DHTKD1: variants seen among roughly 807,000 people sequenced by gnomAD.
DHTKD1 encodes the protein dehydrogenase E1 and transketolase domain containing 1, also known as 2-oxoadipate dehydrogenase complex component E1.
A neutral mutation model predicts 101.8 loss-of-function variants in DHTKD1; 78 were observed. That is an observed-to-expected ratio of 0.77 (90% CI 0.64 to 0.93). DHTKD1 has a LOEUF of 0.93. Among genes scored for constraint, DHTKD1 ranks in the 40% least tolerant of loss-of-function variants. DHTKD1 has a pLI of 0.00. For missense variants in DHTKD1, 1,223 were observed against 1,161.7 expected (o/e 1.05, Z -0.77); for synonymous variants, 462 against 450.3 (o/e 1.03, Z -0.33).
At chr10:12,120,709 T>C in intron 16 of DHTKD1, 78 bp from the exon 17 acceptor site, 3 of 1,174,708 alleles carry the variant, frequency 2.6e-6, no homozygotes, top group Non-Finnish European at 1.3e-6. Context: ...GAGAAATACA[T>C]GCACTGTCTT....
Position 12,068,973 on chromosome 10 carries a change from A to G in DHTKD1, c.-61A>G, listed in dbSNP as rs1000982780. 11 of 1,596,664 alleles carry G rather than the reference A, an allele frequency of 6.9e-6. No homozygotes were observed. Among genetic ancestry groups the G allele is most frequent in the Admixed American group, 1.7e-5 (1 of 58,972 alleles). On this transcript the variant is annotated 5_prime_UTR_variant, in exon 1 of 17. Coordinates refer to ENST00000263035, the MANE Select transcript of DHTKD1 (RefSeq NM_018706.7). ...GCCTCTGACGAGTCCCGGATTTACC[A>G]GGGCCGGTGGGATCCCCTCGGGCTC...
intron 1 of DHTKD1, among the ~76,000 whole-genome samples, chr10:12,078,310 A>G (rs747014173): frequency 1.3e-5 from 2 of 152,006 alleles, no homozygotes; most frequent in Non-Finnish European, 2.9e-5. Context: ...CTGTAATCCC[A>G]GCTACTCCGG....
chr10:12,115,206 C>T (rs1239059842), intron 13 of DHTKD1, among the ~76,000 whole-genome samples: 1 of 152,216 alleles, frequency 6.6e-6, no homozygotes, highest in Non-Finnish European at 1.5e-5. Context: ...AAGCAATTCT[C>T]CAGCCTCAGC....
At chr10:12,082,261 T>C (rs1344636235) in intron 2 of DHTKD1, among the ~76,000 whole-genome samples, 3 of 152,228 alleles carry the variant, frequency 2.0e-5, no homozygotes, top group African/African-American at 7.2e-5. Flanking sequence ...AGAGGACTTA[T>C]ATGACTCATA....
At position 12,093,900 on chromosome 10, in the gene DHTKD1, A is replaced by G. The variant is rs112134857; in HGVS notation, c.1160-173A>G. Among the ~76,000 whole-genome samples, 78 of 152,326 alleles carry G rather than the reference A, an allele frequency of 5.1e-4. 1 individual carries two copies. Among genetic ancestry groups the G allele is most frequent in the African/African-American group, 1.7e-3 (71 of 41,574 alleles). Reference sequence around the variant, plus strand: ...TTTGTAGCTTTACCGAGGTCACACAATAAGTCCCAGAGTTGGAACTTGCCA... The same window carrying G: ...TTTGTAGCTTTACCGAGGTCACACAGTAAGTCCCAGAGTTGGAACTTGCCA... On this transcript the variant is annotated intron_variant, in intron 6 of 16. Coordinates refer to ENST00000263035, the MANE Select transcript of DHTKD1 (RefSeq NM_018706.7).
In DHTKD1 at chr10:12,112,835, A is replaced by G. The variant is rs1833355127; in HGVS notation, c.2155-65A>G. On this transcript the variant is annotated intron_variant, in intron 12 of 16. Transcript: ENST00000263035. ...ACCTGTGTTTCCCTTTGGCCAGCCCATTGTCACTACGACTGAAATAGATGA... is the reference window on the plus strand; with the variant it reads ...ACCTGTGTTTCCCTTTGGCCAGCCCGTTGTCACTACGACTGAAATAGATGA... 4 of 1,490,260 alleles carry G rather than the reference A, an allele frequency of 2.7e-6. No homozygotes were observed. The East Asian group carries it at 7.2e-5, about 27-fold the overall frequency. 92.3% of individuals were successfully genotyped at this position (1,490,260 alleles called of 1,614,324 possible).
intron 7 of DHTKD1, 126 bp from the exon 8 acceptor site, chr10:12,097,558 G>C: frequency 1.3e-6 from 1 of 796,610 alleles, no homozygotes; most frequent in Non-Finnish European, 2.0e-6. Context: ...GTAGGTGTGA[G>C]CCACTGCACC....
At chr10:12,108,422 G>T (rs1833282031) in intron 12 of DHTKD1, among the ~76,000 whole-genome samples, 1 of 152,054 alleles carries the variant, frequency 6.6e-6, no homozygotes. Flanking sequence ...GGGACCACAG[G>T]CGTATGCCAC....
intron 5 of DHTKD1, among the ~76,000 whole-genome samples, chr10:12,089,852 G>T (rs974221763): frequency 4.6e-5 from 7 of 151,868 alleles, no homozygotes; most frequent in Non-Finnish European, 1.5e-5. Flanking sequence ...TGTATTTTTA[G>T]TAGAGACAGG....
At chr10:12,108,042 T>G (rs1307003018) in intron 12 of DHTKD1, 27 bp downstream of exon 12, 4 of 1,558,174 alleles carry the variant, frequency 2.6e-6, no homozygotes, top group Non-Finnish European at 3.5e-6. Context: ...CCGGAGTCAA[T>G]GAATCATTTT....
At chr10:12,104,799 C>T (rs1232310548) in intron 10 of DHTKD1, among the ~76,000 whole-genome samples, 4 of 152,162 alleles carry the variant, frequency 2.6e-5, no homozygotes, top group African/African-American at 9.7e-5. Flanking sequence ...CATCCTTCTC[C>T]ATCATAACAC....
chr10:12,111,143 A>T lies in DHTKD1; in HGVS notation c.2155-1757A>T, dbSNP rs1045679714. Among the ~76,000 whole-genome samples, 5 of 151,876 alleles carry T rather than the reference A, an allele frequency of 3.3e-5. No individual in the cohort carries two copies. The South Asian group carries it at 1.0e-3, about 32-fold the overall frequency. ...AAAATGAGACAGTAGCTGGTGGGAA[A>T]ATTTGTGTCAAGAGTTCCTTTTGTG... is the stretch of plus-strand genomic sequence containing the variant. On this transcript the variant is annotated intron_variant, in intron 12 of 16. Coordinates refer to ENST00000263035, the MANE Select transcript of DHTKD1 (RefSeq NM_018706.7).
At chr10:12,075,299 C>T (rs916538253) in intron 1 of DHTKD1, among the ~76,000 whole-genome samples, 7 of 152,144 alleles carry the variant, frequency 4.6e-5, no homozygotes, top group African/African-American at 9.7e-5. Context: ...CCTGCCTCAG[C>T]CTCCAAGTAG....
intron 4 of DHTKD1, among the ~76,000 whole-genome samples, chr10:12,088,522 A>T (rs1204651951): frequency 6.6e-6 from 1 of 151,756 alleles, no homozygotes; most frequent in Non-Finnish European, 1.5e-5. Flanking sequence ...TTGGTCCAGG[A>T]GGTAGCTTAG....
chr10:12,086,221 C>CTTTTTTT (rs1246673651), intron 3 of DHTKD1, among the ~76,000 whole-genome samples: 1 of 78,046 alleles, frequency 1.3e-5, no homozygotes, highest in South Asian at 5.5e-4. Flanking sequence ...CTTTTGTTTT[C>CTTTTTTT]TTTTCTTTTT....
At chr10:12,117,876 T>C in intron 14 of DHTKD1, 121 bp downstream of exon 14, 1 of 227,432 alleles carries the variant, frequency 4.4e-6, no homozygotes, top group Non-Finnish European at 8.1e-6. Context: ...ATTTATTTAT[T>C]TATTTATTTA....
intron 16 of DHTKD1, 46 bp from the exon 17 acceptor site, chr10:12,120,741 G>GC: frequency 6.6e-7 from 1 of 1,514,680 alleles, no homozygotes; most frequent in East Asian, 2.3e-5. Flanking sequence ...GCAGAGCTCT[G>GC]ATCTAGTCAA....
rs532940377 is a variant in DHTKD1 at position 12,108,291 on chromosome 10, T to A, written c.2154+276T>A. 3.9e-5 allele frequency among the ~76,000 whole-genome samples: 6 copies of A among 152,288 alleles called. No homozygotes were observed. In the South Asian group the frequency reaches 1.2e-3, roughly 32 times the overall value. On this transcript the variant is annotated intron_variant, in intron 12 of 16. Coordinates refer to ENST00000263035, the MANE Select transcript of DHTKD1 (RefSeq NM_018706.7). ...CCCAGAGAGCTTTTTTATTTTTATT[T>A]TTTTTTGAGATGGGGTCTCGCTCTG...
intron 1 of DHTKD1, among the ~76,000 whole-genome samples, chr10:12,078,722 C>T (rs1432326290): frequency 6.6e-6 from 1 of 152,170 alleles, no homozygotes; most frequent in African/African-American, 2.4e-5. Context: ...CTGTGTCACA[C>T]AGGCGGGAGT....
Sources: gnomAD v4.1 joint callset for allele counts (sites outside exome capture counted in the v4.1 genomes callset) on GRCh38, gnomAD v4.1.1 for gene constraint, MANE v1.5 for transcripts, NCBI Gene and HGNC (gene_info 2026-07-23, HGNC 2026-07-21) for gene names.